CSMD1: variants seen among roughly 807,000 people sequenced by gnomAD.
CSMD1 encodes CUB and sushi domain-containing protein 1.
Under a neutral mutation model 417.5 loss-of-function variants are expected in CSMD1, and 213 were observed. That is an observed-to-expected ratio of 0.51 (90% confidence interval 0.46 to 0.57). CSMD1 has a LOEUF of 0.57. CSMD1 is among the 20% of genes least tolerant of loss of function. The pLI is 0.00. For missense variants in CSMD1, 6,923 were observed against 4,529.7 expected (o/e 1.53, Z -15.17); for synonymous variants, 2,862 against 1,736.8 (o/e 1.65, Z -16.11).
At chr8:4,374,730 C>G (rs74660681) in intron 3 of CSMD1, among the ~76,000 whole-genome samples, 1 of 152,110 alleles carries the variant, frequency 6.6e-6, no homozygotes, top group Non-Finnish European at 1.5e-5. Flanking sequence ...GCAGACTAAG[C>G]ATGAGCAGCA....
chr8:4,985,964 A>C (rs984149046), intron 1 of CSMD1, among the ~76,000 whole-genome samples: 1 of 151,902 alleles, frequency 6.6e-6, no homozygotes, highest in African/African-American at 2.4e-5. Context: ...TAAAAATGTG[A>C]CTCTTCTTAG....
rs549953151 is a variant in CSMD1 at position 4,724,170 on chromosome 8, A to G, written c.86-86612T>C. Among the ~76,000 whole-genome samples the G allele has an allele frequency of 2.6e-5, 4 of 152,268 alleles. No individual in the cohort carries two copies. The South Asian group carries it at 8.3e-4, about 32-fold the overall frequency. The stretch of plus-strand genomic sequence containing the variant: ...CAAAATAAAACATGGATGTTCCAGA[A>G]TGCTTTTCATGAGTTTTATGATAAT... On this transcript the variant is annotated intron_variant, in intron 1 of 69. Transcript: ENST00000635120.
chr8:3,894,830 G>C (rs1272667074), intron 5 of CSMD1, among the ~76,000 whole-genome samples: 3 of 152,074 alleles, frequency 2.0e-5, no homozygotes, highest in African/African-American at 7.2e-5. Context: ...CACTGACAAG[G>C]GTTTGCTCTG....
intron 18 of CSMD1, among the ~76,000 whole-genome samples, chr8:3,379,014 A>G (rs1810477935): frequency 6.6e-6 from 1 of 152,232 alleles, no homozygotes; most frequent in Non-Finnish European, 1.5e-5. Flanking sequence ...TCTCATCTCA[A>G]AATCTCCTTA....
chr8:3,860,770 G>T (rs1474595061), intron 5 of CSMD1, among the ~76,000 whole-genome samples: 1 of 152,118 alleles, frequency 6.6e-6, no homozygotes, highest in East Asian at 1.9e-4. Flanking sequence ...AAGGGAGAGA[G>T]TAGAGCTGTT....
intron 10 of CSMD1, among the ~76,000 whole-genome samples, chr8:3,550,886 G>T: frequency 6.6e-6 from 1 of 152,156 alleles, no homozygotes; most frequent in East Asian, 1.9e-4. Flanking sequence ...GCCAATCTCT[G>T]CTTCCACTCG....
At chr8:4,437,376 GAAC>G (rs1481552562) in intron 2 of CSMD1, among the ~76,000 whole-genome samples, 4 of 152,188 alleles carry the variant, frequency 2.6e-5, no homozygotes, top group East Asian at 1.9e-4. Flanking sequence ...CCTTGTATGT[GAAC>G]AACTTACTGT....
chr8:4,171,310 G>A (rs1345553693), intron 3 of CSMD1, among the ~76,000 whole-genome samples: 2 of 152,014 alleles, frequency 1.3e-5, no homozygotes, highest in Non-Finnish European at 1.5e-5. Flanking sequence ...ACGCCAGGCT[G>A]TTTTCCAGGT....
Position 4,182,245 on chromosome 8 carries a change from G to A in CSMD1, c.416-150146C>T, listed in dbSNP as rs1038795369. ...AACTTATGATACATAAGAAAAAAAC[G>A]GAATATATCTAGATTATCGTTTGCA... is the stretch of plus-strand genomic sequence containing the variant. On this transcript the variant is annotated intron_variant, in intron 3 of 69. Coordinates refer to ENST00000635120, the MANE Select transcript of CSMD1 (RefSeq NM_033225.6). Among the ~76,000 whole-genome samples, 8 of 152,090 alleles carry A rather than the reference G, an allele frequency of 5.3e-5. No individual in the cohort carries two copies. In the South Asian group the frequency reaches 6.2e-4, roughly 12 times the overall value.
intron 5 of CSMD1, among the ~76,000 whole-genome samples, chr8:3,755,449 G>T (rs192332534): frequency 7.2e-4 from 109 of 152,310 alleles, no homozygotes; most frequent in African/African-American, 2.6e-3. Flanking sequence ...TTTTCAAAAT[G>T]ATGCTTATTA....
At chr8:4,093,841 A>C (rs184706792) in intron 3 of CSMD1, among the ~76,000 whole-genome samples, 6 of 152,078 alleles carry the variant, frequency 3.9e-5, no homozygotes, top group African/African-American at 1.4e-4. Context: ...CATGCCTGTA[A>C]TCCCAGCAAT....
chr8:4,733,250 A>G (rs1423701387), intron 1 of CSMD1, among the ~76,000 whole-genome samples: 2 of 152,226 alleles, frequency 1.3e-5, no homozygotes, highest in African/African-American at 2.4e-5. Flanking sequence ...GAACCCTAGT[A>G]TTTGAGAAAC....
intron 2 of CSMD1, among the ~76,000 whole-genome samples, chr8:4,627,956 G>A (rs1306429761): frequency 6.6e-6 from 1 of 151,578 alleles, no homozygotes; most frequent in Non-Finnish European, 1.5e-5. Context: ...GATTATACCT[G>A]TCAGATTCTA....
At chr8:4,780,419 G>C (rs1429113362) in intron 1 of CSMD1, among the ~76,000 whole-genome samples, 1 of 151,832 alleles carries the variant, frequency 6.6e-6, no homozygotes, top group Non-Finnish European at 1.5e-5. Context: ...CAGTCGATCT[G>C]TCTGTCTGTC....
intron 3 of CSMD1, among the ~76,000 whole-genome samples, chr8:4,152,601 G>C (rs1563193349): frequency 6.6e-6 from 1 of 151,816 alleles, no homozygotes; most frequent in African/African-American, 2.4e-5. Context: ...TAAGTGGGAA[G>C]ATCGTTTGAG....
At chr8:3,668,786 G>T (rs909555933) in intron 7 of CSMD1, among the ~76,000 whole-genome samples, 1 of 152,070 alleles carries the variant, frequency 6.6e-6, no homozygotes, top group Non-Finnish European at 1.5e-5. Flanking sequence ...CTCTAGTTTT[G>T]GCTCATTTTG....
chr8:3,401,303 G>C (rs1015965880), intron 15 of CSMD1, among the ~76,000 whole-genome samples: 2 of 151,832 alleles, frequency 1.3e-5, no homozygotes, highest in African/African-American at 4.8e-5. Context: ...CCAACCAAAA[G>C]TTTCCTTTAC....
chr8:4,103,495 T>G (rs1032059515), intron 3 of CSMD1, among the ~76,000 whole-genome samples: 1 of 150,502 alleles, frequency 6.6e-6, no homozygotes, highest in African/African-American at 2.4e-5. Flanking sequence ...TATATATAAA[T>G]AAACATATAA....
intron 2 of CSMD1, among the ~76,000 whole-genome samples, chr8:4,437,522 T>C (rs766912426): frequency 1.3e-5 from 2 of 152,178 alleles, no homozygotes; most frequent in African/African-American, 2.4e-5. Context: ...TGTATTTTTG[T>C]CATTTATTTC....
Sources: allele counts gnomAD v4.1 joint callset (sites outside exome capture counted in the v4.1 genomes callset), GRCh38; gene constraint gnomAD v4.1.1; transcripts MANE v1.5; gene names NCBI Gene and HGNC (gene_info 2026-07-23, HGNC 2026-07-21).